FUS: variants seen among roughly 807,000 people sequenced by gnomAD.
The protein encoded by FUS is FUS RNA binding protein.
A neutral mutation model predicts 82.7 loss-of-function variants in FUS; 5 were observed. That is an observed-to-expected ratio of 0.06 (90% CI 0.03 to 0.13). The LOEUF is 0.13. Ranked by LOEUF, FUS falls within the 10% of genes least tolerant of loss-of-function variation. The pLI, the probability that FUS is intolerant of heterozygous loss-of-function variation, is 1.00. For synonymous variants in FUS, 281 were observed against 247.4 expected (o/e 1.14, Z -1.27); for missense variants, 512 against 707.8 (o/e 0.72, Z 3.14).
chr16:31,193,435 A>G (rs2079386522), downstream of FUS: 2 of 527,974 alleles, frequency 3.8e-6, no homozygotes, highest in South Asian at 1.5e-5. Context: ...GCCTGATACG[A>G]TATTTGAGTA....
downstream of FUS, chr16:31,191,704 C>T: frequency 1.5e-6 from 1 of 678,514 alleles, no homozygotes; most frequent in Non-Finnish European, 2.7e-6. Flanking sequence ...CCAGCAGGAA[C>T]TGGAATACAG....
intron 5 of FUS, 97 bp from the exon 6 acceptor site, chr16:31,184,842 T>A: frequency 8.0e-7 from 1 of 1,249,700 alleles, no homozygotes; most frequent in Non-Finnish European, 1.2e-6. Flanking sequence ...TCTTTTGTCC[T>A]TCATTGCCTG....
chr16:31,192,864 A>G, downstream of FUS: 1 of 485,092 alleles, frequency 2.1e-6, no homozygotes, highest in Non-Finnish European at 4.1e-6. Flanking sequence ...GAGCCGCTGC[A>G]TCTGGCCATC....
chr16:31,184,793 A>G lies in FUS; in HGVS notation c.524-146A>G, dbSNP rs146061215. ...TTGTATTCTCCTGTTTTAGCTTAAA[A>G]GAGGGTTCCTGTCTTGTTTCCTAGC... On this transcript the variant is annotated intron_variant, in intron 5 of 14. Coordinates refer to ENST00000254108, the MANE Select transcript of FUS (RefSeq NM_004960.4). The G allele has an allele frequency of 2.5e-4, 209 of 845,106 alleles. No homozygotes were observed. In the African/African-American group the frequency reaches 3.0e-3, roughly 12 times the overall value. The allele number at this position is 845,106 out of a possible 1,614,324, so 52.4% of individuals were successfully genotyped here.
At chr16:31,186,061 A>G in intron 6 of FUS, 1 of 236,890 alleles carries the variant, frequency 4.2e-6, no homozygotes. Context: ...GCAATCTCAA[A>G]AACGTGCAAA....
chr16:31,193,170 G>A (rs780844362), downstream of FUS: 24 of 488,138 alleles, frequency 4.9e-5, no homozygotes, highest in South Asian at 2.2e-4. Flanking sequence ...TCGAACTCCC[G>A]ACCTCAGGTG....
chr16:31,192,993 C>T (rs151232336), downstream of FUS: 262 of 483,512 alleles, frequency 5.4e-4, 4 homozygotes, highest in African/African-American at 4.4e-3. Flanking sequence ...TGGAGTTTTG[C>T]TCTTGTTGCC....
chr16:31,188,637 A>AC, intron 8 of FUS: 1 of 553,266 alleles, frequency 1.8e-6, no homozygotes. Flanking sequence ...TCTGGACCAC[A>AC]CTCAGATGGT....
chr16:31,194,096 G>A (rs768471818), downstream of FUS: 1 of 534,054 alleles, frequency 1.9e-6, no homozygotes, highest in Admixed American at 2.2e-5. Context: ...CCTTGATGTA[G>A]CCTTCAGTTA....
chr16:31,183,711 A>T, intron 3 of FUS, 147 bp from the exon 4 acceptor site: 1 of 927,648 alleles, frequency 1.1e-6, no homozygotes, highest in Non-Finnish European at 1.8e-6. Context: ...AAAGGAGGGT[A>T]ACTATCTTTG....
At chr16:31,193,878 C>G (rs1394686895), downstream of FUS, 1 of 527,696 alleles carries the variant, frequency 1.9e-6, no homozygotes, top group Admixed American at 2.2e-5. Context: ...TTGAACTGGC[C>G]TCAAGTGACC....
intron 7 of FUS, chr16:31,187,099 G>A: frequency 1.8e-6 from 1 of 549,322 alleles, no homozygotes; most frequent in South Asian, 2.2e-5. Flanking sequence ...CTTGGACTGG[G>A]CCGTTGCCAC....
At chr16:31,186,582 G>A in intron 6 of FUS, 1 of 595,652 alleles carries the variant, frequency 1.7e-6, no homozygotes, top group Admixed American at 2.9e-5. Flanking sequence ...ACCTTTTAAA[G>A]CAAAATCTTT....
chr16:31,187,343 C>T (rs960486504), intron 7 of FUS: 1 of 254,900 alleles, frequency 3.9e-6, no homozygotes, highest in Non-Finnish European at 7.8e-6. Context: ...GAATGCAATT[C>T]TATGTATATG....
rs754335560 is a variant in FUS at position 31,190,027 on chromosome 16, T to A, written c.1067-13T>A. The A allele has an allele frequency of 6.2e-7, 1 of 1,605,586 alleles. No homozygotes were observed. ...TGCATTTAAAGTCTGTTGATGATTT[T>A]TTGTTTCTCTAGGTAAAGAATTCTC... is the stretch of plus-strand genomic sequence containing the variant. On this transcript the variant is annotated splice_polypyrimidine_tract_variant and intron_variant, in intron 10 of 14. Transcript: ENST00000254108.
downstream of FUS, chr16:31,192,795 C>T (rs1596917748): frequency 8.3e-6 from 4 of 480,500 alleles, no homozygotes; most frequent in South Asian, 4.6e-5. Flanking sequence ...GGTCTCTTAA[C>T]TCCTGACCTC....
At chr16:31,186,011 A>AC (rs374578732) in intron 6 of FUS, 10 of 237,878 alleles carry the variant, frequency 4.2e-5, no homozygotes, top group African/African-American at 1.8e-4. Flanking sequence ...AGATTTTTAA[A>AC]CCGAGTTTGG....
At chr16:31,190,912 G>A (rs1328218112) in intron 13 of FUS, 51 bp from the exon 14 acceptor site, 6 of 1,612,072 alleles carry the variant, frequency 3.7e-6, no homozygotes, top group African/African-American at 2.7e-5. Flanking sequence ...GGGGAGGCTC[G>A]GGGAACATAG....
At chr16:31,185,337 C>T in intron 6 of FUS, 158 bp downstream of exon 6, 1 of 875,792 alleles carries the variant, frequency 1.1e-6, no homozygotes. Context: ...TTTTACATCC[C>T]CATTTTATTT....
Sources: allele counts gnomAD v4.1 joint callset, GRCh38; gene constraint gnomAD v4.1.1; transcripts MANE v1.5; gene names NCBI Gene and HGNC (gene_info 2026-07-23, HGNC 2026-07-21).